RSF1: variants seen among roughly 807,000 people sequenced by gnomAD.
RSF1 encodes HBV pX-associated protein 8.
In RSF1, 13 loss-of-function variants were observed where a neutral mutation model predicts 145.2. The ratio of observed to expected loss-of-function variants is 0.09; its 90% confidence interval spans 0.06 to 0.14. The LOEUF (loss-of-function observed/expected upper bound fraction) is 0.14. Ranked by LOEUF, RSF1 falls within the 10% of genes least tolerant of loss-of-function variation. The pLI is 1.00. For synonymous variants in RSF1, 577 were observed against 592.6 expected, an observed-to-expected ratio of 0.97 and a Z score of 0.38; for missense variants, 1,517 against 1,718.2, an observed-to-expected ratio of 0.88 and a Z score of 2.07.
chr11:77,735,357 C>T (rs1051408346), intron 4 of RSF1, among the ~76,000 whole-genome samples: 1 of 151,626 alleles, frequency 6.6e-6, no homozygotes, highest in Non-Finnish European at 1.5e-5. Flanking sequence ...TAAAATTATC[C>T]CTTTTTGGTG....
chr11:77,836,609 A>C, the RSF1 span, among the ~76,000 whole-genome samples: 2 of 152,206 alleles, frequency 1.3e-5, no homozygotes, highest in East Asian at 1.9e-4. Context: ...AGAAATCCTC[A>C]AAACATACTC....
At chr11:77,770,969 G>A (rs1176456896) in intron 1 of RSF1, among the ~76,000 whole-genome samples, 1 of 152,154 alleles carries the variant, frequency 6.6e-6, no homozygotes, top group Admixed American at 6.5e-5. Flanking sequence ...CTGGTAGAGG[G>A]AATTTGTAGT....
In RSF1 at chr11:77,767,708, T is replaced by C. The variant is rs193136648; in HGVS notation, c.188-3019A>G. Among the ~76,000 whole-genome samples the C allele has an allele frequency of 1.3e-3, 193 of 152,316 alleles. 1 individual carries two copies. Among genetic ancestry groups the C allele is most frequent in the African/African-American group, 4.5e-3 (186 of 41,568 alleles). ...GAAAGTCTCCGTGATAGATTTCTAG[T>C]ACCAGCAACCTTTTTGTCCCTGGAA... On this transcript the variant is annotated intron_variant, in intron 1 of 15. Transcript: ENST00000308488.
chr11:77,798,629 T>C (rs1405873191), intron 1 of RSF1, among the ~76,000 whole-genome samples: 2 of 53,166 alleles, frequency 3.8e-5, no homozygotes, highest in African/African-American at 6.1e-5. Context: ...AAAAGGCACA[T>C]ATACACCATG....
At chr11:77,673,642 G>C (rs2039713859) in intron 14 of RSF1, among the ~76,000 whole-genome samples, 1 of 152,152 alleles carries the variant, frequency 6.6e-6, no homozygotes, top group South Asian at 2.1e-4. Context: ...AAATGACAGA[G>C]TTAGAATTAT....
chr11:77,696,136 CAT>C (rs1437100424), intron 7 of RSF1, among the ~76,000 whole-genome samples: 1 of 152,174 alleles, frequency 6.6e-6, no homozygotes, highest in African/African-American at 2.4e-5. Flanking sequence ...CAATTTATCA[CAT>C]AGTTTCTATA....
At chr11:77,820,313 C>T (rs1266540865) in intron 1 of RSF1, among the ~76,000 whole-genome samples, 2 of 152,222 alleles carry the variant, frequency 1.3e-5, no homozygotes, top group East Asian at 3.9e-4. Context: ...CAGCTCCCCG[C>T]CCGGCCGAGT....
chr11:77,713,961 T>A (rs904743920), intron 5 of RSF1, among the ~76,000 whole-genome samples: 2 of 152,214 alleles, frequency 1.3e-5, no homozygotes, highest in African/African-American at 2.4e-5. Flanking sequence ...TCTGGTTTTA[T>A]GTACAAGTAG....
intron 3 of RSF1, among the ~76,000 whole-genome samples, chr11:77,741,138 C>A (rs1418361828): frequency 1.3e-5 from 2 of 152,168 alleles, no homozygotes; most frequent in African/African-American, 4.8e-5. Context: ...TATATTAACA[C>A]CATACCAATT....
At chr11:77,871,666 T>C in the RSF1 span, among the ~76,000 whole-genome samples, 19 of 152,170 alleles carry the variant, frequency 1.2e-4, no homozygotes, top group African/African-American at 4.6e-4. Context: ...CTGGGAGACT[T>C]TAAAGAGCTA....
At chr11:77,829,214 G>A in the RSF1 span, among the ~76,000 whole-genome samples, 1 of 152,162 alleles carries the variant, frequency 6.6e-6, no homozygotes, top group Non-Finnish European at 1.5e-5. Context: ...ACATGCATAT[G>A]CCAAGGAGAG....
At chr11:77,852,766 CT>C in the RSF1 span, among the ~76,000 whole-genome samples, 1 of 151,424 alleles carries the variant, frequency 6.6e-6, no homozygotes, top group South Asian at 2.1e-4. Context: ...AATTTTTTTT[CT>C]TTTTTTCCCA....
At chr11:77,714,780 T>A (rs1281713761) in intron 5 of RSF1, among the ~76,000 whole-genome samples, 3 of 151,920 alleles carry the variant, frequency 2.0e-5, no homozygotes, top group Admixed American at 1.3e-4. Context: ...AGGTGAAAGC[T>A]GCAGTGAGCC....
chr11:77,702,545 T>TA (rs756939255), intron 5 of RSF1, 50 bp from the exon 6 acceptor site: 152 of 1,278,610 alleles, frequency 1.2e-4, no homozygotes, highest in Non-Finnish European at 1.5e-4. Flanking sequence ...TTCAAGGCTA[T>TA]AAAATATAAG....
At chr11:77,854,224 C>T in the RSF1 span, among the ~76,000 whole-genome samples, 1 of 151,982 alleles carries the variant, frequency 6.6e-6, no homozygotes, top group African/African-American at 2.4e-5. Flanking sequence ...GATCTCCTGA[C>T]CTCATGATCC....
chr11:77,750,682 C>T (rs1948052594), intron 2 of RSF1, among the ~76,000 whole-genome samples: 1 of 152,142 alleles, frequency 6.6e-6, no homozygotes, highest in Non-Finnish European at 1.5e-5. Context: ...ATTAATTCCC[C>T]ATGCTCCAAC....
chr11:77,808,098 C>A (rs1948695152), intron 1 of RSF1, among the ~76,000 whole-genome samples: 1 of 152,070 alleles, frequency 6.6e-6, no homozygotes, highest in Non-Finnish European at 1.5e-5. Context: ...CTTTGGGAGG[C>A]CAAGGCAGGC....
At chr11:77,798,581 TAAAAAAAAAAAAAAAAAAAAAAAA>T (rs543236647) in intron 1 of RSF1, among the ~76,000 whole-genome samples, 34 of 24,496 alleles carry the variant, frequency 1.4e-3, no homozygotes, top group South Asian at 0.012. Context: ...GACTCCATCT[TAAAAAAAAAAAAAAAAAAAAAAAA>T]AAAAAAAAAA....
At chr11:77,789,029 TA>T (rs893586003) in intron 1 of RSF1, among the ~76,000 whole-genome samples, 1 of 151,230 alleles carries the variant, frequency 6.6e-6, no homozygotes, top group Non-Finnish European at 1.5e-5. Flanking sequence ...TTAAAAACAT[TA>T]AAAAAAACAG....
Sources: allele counts gnomAD v4.1 joint callset (sites outside exome capture counted in the v4.1 genomes callset), GRCh38; gene constraint gnomAD v4.1.1; transcripts MANE v1.5; gene names NCBI Gene and HGNC (gene_info 2026-07-23, HGNC 2026-07-21).